RGS6: variants seen among roughly 807,000 people sequenced by gnomAD.
RGS6 encodes the protein regulator of G-protein signaling 6.
In RGS6, 30 loss-of-function variants were observed where a neutral mutation model predicts 78.5. The ratio of observed to expected loss-of-function variants is 0.38; its 90% CI spans 0.29 to 0.52. RGS6 has a LOEUF of 0.52. Among genes scored for constraint, RGS6 ranks in the 20% least tolerant of loss-of-function variants. The probability of loss-of-function intolerance (pLI) is 0.85; values close to 1 mark genes in which losing one functional copy is unlikely to be tolerated. For synonymous variants in RGS6, 206 were observed against 206.0 expected (o/e 1.00, Z 0.00); for missense variants, 495 against 609.7 (o/e 0.81, Z 1.98).
At chr14:72,013,294 A>C (rs2086233968) in intron 2 of RGS6, among the ~76,000 whole-genome samples, 2 of 131,640 alleles carry the variant, frequency 1.5e-5, no homozygotes, top group Admixed American at 7.7e-5. Flanking sequence ...AAAAAAAAAA[A>C]CAACAACAAC....
rs1380245390 is a variant in RGS6 at position 72,459,657 on chromosome 14, G to A, written c.368G>A (p.Cys123Tyr). 2.5e-6 allele frequency: 4 copies of A among 1,613,998 alleles called. No individual in the cohort carries two copies. In the East Asian group the frequency reaches 8.9e-5, roughly 36 times the overall value. The change falls in exon 6 of 18, where the codon TGC (cysteine) becomes TAC (tyrosine). Residue 123 changes from cysteine (C) to tyrosine (Y), a missense_variant. Transcript: ENST00000553525. ...GCTCCGTACTTCTGGCCTTCGAACTGCTGGGAACCTGAAAACACTGACTAT... is the reference window on the plus strand; with the variant it reads ...GCTCCGTACTTCTGGCCTTCGAACTACTGGGAACCTGAAAACACTGACTAT... ...FQAPYFWPSN[C>Y]WEPENTDYAI...
intron 2 of RGS6, among the ~76,000 whole-genome samples, chr14:72,072,717 G>A (rs2094450644): frequency 6.6e-6 from 1 of 152,152 alleles, no homozygotes; most frequent in Non-Finnish European, 1.5e-5. Flanking sequence ...GTAATCACTG[G>A]TCCTTCACTT....
intron 2 of RGS6, among the ~76,000 whole-genome samples, chr14:72,155,889 C>G (rs1041838233): frequency 2.0e-5 from 3 of 152,228 alleles, no homozygotes; most frequent in African/African-American, 7.2e-5. Context: ...AGGCTGGGAC[C>G]TCAGCTCTAT....
intron 2 of RGS6, among the ~76,000 whole-genome samples, chr14:72,171,071 T>A (rs1192575664): frequency 6.6e-6 from 1 of 152,180 alleles, no homozygotes; most frequent in Non-Finnish European, 1.5e-5. Flanking sequence ...ACTAAATTAT[T>A]AAATAACCAG....
At chr14:71,950,133 T>G (rs1411693800) in intron 1 of RGS6, among the ~76,000 whole-genome samples, 1 of 152,092 alleles carries the variant, frequency 6.6e-6, no homozygotes, top group Non-Finnish European at 1.5e-5. Flanking sequence ...AAGAATAACT[T>G]CTAAAGAACA....
chr14:72,549,287 G>A (rs1440668305), intron 17 of RGS6, among the ~76,000 whole-genome samples: 2 of 151,196 alleles, frequency 1.3e-5, no homozygotes, highest in South Asian at 2.1e-4. Flanking sequence ...GCTGAGCTCT[G>A]GGCAACAGGG....
intron 10 of RGS6, among the ~76,000 whole-genome samples, chr14:72,475,606 G>A (rs958523992): frequency 3.9e-5 from 6 of 152,132 alleles, no homozygotes; most frequent in Non-Finnish European, 8.8e-5. Flanking sequence ...GTGCATACCT[G>A]TAATCCCAGC....
chr14:72,463,871 A>AC (rs1380717726), intron 6 of RGS6, among the ~76,000 whole-genome samples: 4 of 152,232 alleles, frequency 2.6e-5, no homozygotes, highest in African/African-American at 9.6e-5. Context: ...ACAGTGAAGC[A>AC]CTATAGCTGC....
At chr14:72,026,498 C>G (rs2089886938) in intron 2 of RGS6, among the ~76,000 whole-genome samples, 1 of 152,210 alleles carries the variant, frequency 6.6e-6, no homozygotes, top group Non-Finnish European at 1.5e-5. Context: ...GGTTTTAAAA[C>G]TGGCAGAACT....
chr14:72,111,256 C>T (rs533318145), intron 2 of RGS6, among the ~76,000 whole-genome samples: 1 of 152,152 alleles, frequency 6.6e-6, no homozygotes, highest in African/African-American at 2.4e-5. Flanking sequence ...ACATCCAACT[C>T]TCCTTACATG....
At chr14:71,890,392 G>GAGAGAGAGAGAGAGAGAGAGAGAA in the RGS6 span, among the ~76,000 whole-genome samples, 1 of 151,800 alleles carries the variant, frequency 6.6e-6, no homozygotes, top group Non-Finnish European at 1.5e-5. Flanking sequence ...GAGAGAGAGA[G>GAGAGAGAGAGAGAGAGAGAGAGAA]AAATCTTGTC....
rs144360324 is a variant in RGS6 at position 72,536,295 on chromosome 14, G to C, written c.1368+20G>C. The C allele has an allele frequency of 1.7e-3, 2,743 of 1,594,494 alleles. 39 individuals carry two copies. The African/African-American group carries it at 0.03, about 18-fold the overall frequency. On this transcript the variant is annotated intron_variant, in intron 16 of 17. Transcript: ENST00000553525. The stretch of plus-strand genomic sequence containing the variant: ...AAGAAGGTATCTTTGGGAAGGGCAG[G>C]CTTGCTCTTAGCACTGTTGACTCTT...
chr14:72,247,156 T>C (rs1431165447), intron 2 of RGS6, among the ~76,000 whole-genome samples: 1 of 152,244 alleles, frequency 6.6e-6, no homozygotes, highest in East Asian at 1.9e-4. Flanking sequence ...TCTGAATTCT[T>C]CTAACACATT....
At chr14:71,878,230 CT>C in the RGS6 span, among the ~76,000 whole-genome samples, 3 of 152,208 alleles carry the variant, frequency 2.0e-5, no homozygotes, top group Admixed American at 6.5e-5. Context: ...ACGTTTAAGT[CT>C]GCAGAAGTTT....
At chr14:72,440,693 G>A (rs913533160) in intron 3 of RGS6, among the ~76,000 whole-genome samples, 1 of 152,120 alleles carries the variant, frequency 6.6e-6, no homozygotes, top group African/African-American at 2.4e-5. Flanking sequence ...GATTATAAAC[G>A]TGAACCACCG....
chr14:72,590,259 C>T, the RGS6 span, among the ~76,000 whole-genome samples: 1 of 152,320 alleles, frequency 6.6e-6, no homozygotes, highest in East Asian at 1.9e-4. Flanking sequence ...CAGCCTCTTA[C>T]CACATAACCC....
upstream of RGS6, among the ~76,000 whole-genome samples, chr14:71,928,587 A>G (rs138381557): frequency 2.6e-3 from 400 of 152,328 alleles, 1 homozygote; most frequent in Non-Finnish European, 4.3e-3. Context: ...CTAAATTGCC[A>G]ACTCATTTCC....
At chr14:71,934,171 C>T (rs751388141) in intron 1 of RGS6, among the ~76,000 whole-genome samples, 2 of 152,088 alleles carry the variant, frequency 1.3e-5, no homozygotes, top group Non-Finnish European at 2.9e-5. Flanking sequence ...TGGTGAGACT[C>T]TTGAGAGAGA....
chr14:72,186,014 T>G (rs1490051530), intron 2 of RGS6, among the ~76,000 whole-genome samples: 1 of 152,264 alleles, frequency 6.6e-6, no homozygotes, highest in Non-Finnish European at 1.5e-5. Context: ...AATAATCCTG[T>G]GAGTATTATT....
Sources: gnomAD v4.1 joint callset for allele counts (sites outside exome capture counted in the v4.1 genomes callset) on GRCh38, gnomAD v4.1.1 for gene constraint, MANE v1.5 for transcripts, NCBI Gene and HGNC (gene_info 2026-07-23, HGNC 2026-07-21) for gene names.